The following CYFIP2 variants were observed in gnomAD, a reference collection of about 807,000 sequenced individuals.
CYFIP2 encodes cytoplasmic FMR1 interacting protein 2, also known as cytoplasmic FMR1-interacting protein 2.
Under a neutral mutation model 158.7 loss-of-function variants are expected in CYFIP2, and 29 were observed. That is an observed-to-expected ratio of 0.18 (90% CI 0.14 to 0.25). The LOEUF is 0.25. CYFIP2 is among the 10% of genes least tolerant of loss of function. The pLI, the probability that CYFIP2 is intolerant of heterozygous loss-of-function variation, is 1.00. For missense variants in CYFIP2, 852 were observed against 1,639.5 expected, an observed-to-expected ratio of 0.52 and a Z score of 8.29; for synonymous variants, 585 against 617.6, an observed-to-expected ratio of 0.95 and a Z score of 0.78.
intron 27 of CYFIP2, 100 bp downstream of exon 27, chr5:157,382,762 G>C: frequency 7.9e-7 from 1 of 1,257,890 alleles, no homozygotes; most frequent in Non-Finnish European, 1.1e-6. Flanking sequence ...AAGGGGGAAG[G>C]TTAAAGCTTT....
At chr5:157,331,502 T>A (rs1181337439) in intron 20 of CYFIP2, among the ~76,000 whole-genome samples, 2 of 151,686 alleles carry the variant, frequency 1.3e-5, no homozygotes, top group East Asian at 3.9e-4. Flanking sequence ...GGTCCTGGTC[T>A]TTGTGAAAGG....
Position 157,267,696 on chromosome 5 carries a change from C to A in CYFIP2, c.-24+1501C>A, listed in dbSNP as rs111865460. Among the ~76,000 whole-genome samples the A allele has an allele frequency of 9.1e-4, 139 of 152,270 alleles. 1 individual carries two copies. Among genetic ancestry groups the A allele is most frequent in the Non-Finnish European group, 4.7e-4 (32 of 68,032 alleles). On this transcript the variant is annotated intron_variant, in intron 1 of 30. Coordinates refer to ENST00000620254, the MANE Select transcript of CYFIP2 (RefSeq NM_001037333.3). ...AGCAGGTGCTTTACAAGTCATTTGA[C>A]CGGAAAAGAAACAGAGGATGGAGGC...
At chr5:157,319,084 A>T (rs1216767851) in intron 13 of CYFIP2, among the ~76,000 whole-genome samples, 1 of 152,180 alleles carries the variant, frequency 6.6e-6, no homozygotes, top group African/African-American at 2.4e-5. Flanking sequence ...CCTAGAAGGG[A>T]GGCCACATAC....
intron 23 of CYFIP2, chr5:157,343,296 C>G (rs369974736): frequency 1.9e-6 from 3 of 1,614,184 alleles, no homozygotes; most frequent in African/African-American, 1.3e-5. Context: ...GGGAAGGCAG[C>G]CTTCTTACAG....
chr5:157,345,920 G>A (rs934928195), intron 23 of CYFIP2, among the ~76,000 whole-genome samples: 3 of 152,080 alleles, frequency 2.0e-5, no homozygotes, highest in Admixed American at 2.0e-4. Context: ...TTATTTTCTT[G>A]TCCCATCTAG....
rs145055606 is a variant in CYFIP2 at position 157,376,181 on chromosome 5, A to G, written c.3040-6409A>G. ...CCACAAACCGCTGGTCCTTTTATTC[A>G]ACACACATTTTATCAAATGCCTTTC... is the stretch of plus-strand genomic sequence containing the variant. On this transcript the variant is annotated intron_variant, in intron 26 of 30. Coordinates refer to ENST00000620254, the MANE Select transcript of CYFIP2 (RefSeq NM_001037333.3). 18 of 152,476 alleles carry G rather than the reference A, an allele frequency of 1.2e-4. No homozygotes were observed. In the East Asian group the frequency reaches 3.5e-3, roughly 29 times the overall value. 9.4% of individuals were successfully genotyped at this position (152,476 alleles called of 1,614,324 possible).
intron 18 of CYFIP2, 112 bp downstream of exon 18, chr5:157,326,379 G>A (rs958874692): frequency 1.1e-6 from 1 of 909,054 alleles, no homozygotes; most frequent in Admixed American, 1.9e-5. Flanking sequence ...TTCTGGAGAG[G>A]AATCTCTGTA....
intron 3 of CYFIP2, among the ~76,000 whole-genome samples, chr5:157,293,124 A>G (rs1264688214): frequency 1.3e-5 from 2 of 152,020 alleles, no homozygotes. Flanking sequence ...GGCGCAATCT[A>G]AGCTCATTGC....
At chr5:157,280,306 C>T (rs1354496464) in intron 1 of CYFIP2, among the ~76,000 whole-genome samples, 2 of 151,842 alleles carry the variant, frequency 1.3e-5, no homozygotes, top group African/African-American at 4.8e-5. Flanking sequence ...AAGTGATTTT[C>T]CTGCCTCAGT....
intron 5 of CYFIP2, among the ~76,000 whole-genome samples, chr5:157,299,180 T>A (rs1758513125): frequency 6.6e-6 from 1 of 152,204 alleles, no homozygotes; most frequent in African/African-American, 2.4e-5. Context: ...CTAGAGCCAA[T>A]GTGACTCTTT....
At chr5:157,302,340 T>C (rs575660070) in intron 6 of CYFIP2, among the ~76,000 whole-genome samples, 1 of 152,286 alleles carries the variant, frequency 6.6e-6, no homozygotes, top group Admixed American at 6.5e-5. Context: ...ATACAATGCT[T>C]TGCTTTGGAA....
At chr5:157,300,148 A>G (rs893568975) in intron 5 of CYFIP2, among the ~76,000 whole-genome samples, 1 of 152,188 alleles carries the variant, frequency 6.6e-6, no homozygotes, top group Admixed American at 6.5e-5. Context: ...TGGGAATGCC[A>G]AAATGAATAA....
chr5:157,393,148 G>A lies in CYFIP2; in HGVS notation c.*148G>A, dbSNP rs1044857800. On this transcript the variant is annotated 3_prime_UTR_variant, in exon 31 of 31. Transcript: ENST00000620254. Reference sequence around the variant, plus strand: ...CCCAAACACATCACCACTCCCTAGGGCGGGGCCTGTGCATGCTCTCCCATG... The same window carrying A: ...CCCAAACACATCACCACTCCCTAGGACGGGGCCTGTGCATGCTCTCCCATG... 2 of 804,246 alleles carry A rather than the reference G, an allele frequency of 2.5e-6. No homozygotes were observed. The highest frequency in any genetic ancestry group is 3.8e-6 in the Non-Finnish European group (2 of 528,448). 49.8% of individuals were successfully genotyped at this position (804,246 alleles called of 1,614,324 possible).
chr5:157,284,398 A>G (rs951819798), intron 1 of CYFIP2, among the ~76,000 whole-genome samples: 9 of 152,216 alleles, frequency 5.9e-5, no homozygotes, highest in African/African-American at 2.2e-4. Context: ...TATTGCTACA[A>G]TTTGCATTAT....
intron 23 of CYFIP2, among the ~76,000 whole-genome samples, chr5:157,346,232 C>A (rs1259424855): frequency 6.6e-6 from 1 of 152,166 alleles, no homozygotes; most frequent in Admixed American, 6.5e-5. Flanking sequence ...TGAGCCCTAT[C>A]CCTGCACAGC....
chr5:157,290,678 A>G (rs1757749731), intron 3 of CYFIP2, among the ~76,000 whole-genome samples: 1 of 152,212 alleles, frequency 6.6e-6, no homozygotes, highest in African/African-American at 2.4e-5. Flanking sequence ...GGCATGAGTC[A>G]TGAGTGGCAT....
chr5:157,314,535 C>G, intron 12 of CYFIP2, 72 bp downstream of exon 12: 1 of 1,547,708 alleles, frequency 6.5e-7, no homozygotes, highest in Non-Finnish European at 8.7e-7. Flanking sequence ...CTCCCCCTAG[C>G]ACTCTCTTTT....
intron 23 of CYFIP2, among the ~76,000 whole-genome samples, chr5:157,353,369 A>G (rs1251121607): frequency 2.0e-5 from 3 of 152,082 alleles, no homozygotes; most frequent in Admixed American, 6.6e-5. Flanking sequence ...GCCTTTTCCA[A>G]CGCACCTTAT....
Position 157,314,349 on chromosome 5 carries a change from G to T in CYFIP2, c.1116G>T (p.Val372=), listed in dbSNP as rs759972935. The change falls in exon 12 of 31, where the codon GTG becomes GTT. Residue 372 remains valine (V), a synonymous_variant. Coordinates refer to ENST00000620254, the MANE Select transcript of CYFIP2 (RefSeq NM_001037333.3). The part of the protein sequence containing the change: ...ELARYSNSEV[V]TGSGLDSQKS... ...TGACACCTGATGCTCCCCAGGTGGTGACGGGCTCAGGGCTGGACAGCCAGA... is the reference window on the plus strand; with the variant it reads ...TGACACCTGATGCTCCCCAGGTGGTTACGGGCTCAGGGCTGGACAGCCAGA... The T allele has an allele frequency of 1.2e-6, 2 of 1,613,590 alleles. No individual in the cohort carries two copies. Among genetic ancestry groups the T allele is most frequent in the African/African-American group, 2.7e-5 (2 of 74,902 alleles).
Sources: allele counts gnomAD v4.1 joint callset (sites outside exome capture counted in the v4.1 genomes callset), GRCh38; gene constraint gnomAD v4.1.1; transcripts MANE v1.5; gene names NCBI Gene and HGNC (gene_info 2026-07-23, HGNC 2026-07-21).